HERC6: variants seen among roughly 807,000 people sequenced by gnomAD.
HERC6 encodes the protein HECT and RLD domain containing E3 ubiquitin protein ligase family member 6, also known as probable E3 ubiquitin-protein ligase HERC6.
Under a neutral mutation model 114.5 loss-of-function variants are expected in HERC6, and 101 were observed. The ratio of observed to expected loss-of-function variants is 0.88; its 90% CI spans 0.75 to 1.04. The LOEUF is 1.04. HERC6 is among the 50% of genes least tolerant of loss of function. The pLI is 0.00. For missense variants in HERC6, 1,133 were observed against 1,230.9 expected (o/e 0.92, Z 1.19); for synonymous variants, 408 against 436.2 (o/e 0.94, Z 0.81).
At chr4:88,415,722 A>G (rs965304895) in intron 12 of HERC6, among the ~76,000 whole-genome samples, 1 of 152,236 alleles carries the variant, frequency 6.6e-6, no homozygotes, top group Non-Finnish European at 1.5e-5. Context: ...TTTGTATATC[A>G]TATTCTGTGA....
At chr4:88,388,241 G>A (rs1734695086) in intron 3 of HERC6, among the ~76,000 whole-genome samples, 1 of 151,880 alleles carries the variant, frequency 6.6e-6, no homozygotes, top group Admixed American at 6.6e-5. Context: ...AGCCAACATG[G>A]TGAAACCCTG....
intron 12 of HERC6, among the ~76,000 whole-genome samples, chr4:88,415,408 A>G (rs943102832): frequency 3.3e-5 from 5 of 152,322 alleles, no homozygotes; most frequent in Admixed American, 6.5e-5. Flanking sequence ...TTTTATTTTG[A>G]GATATTTTGC....
chr4:88,401,386 G>A (rs1001980377), intron 8 of HERC6, among the ~76,000 whole-genome samples: 4 of 151,640 alleles, frequency 2.6e-5, no homozygotes, highest in Non-Finnish European at 4.4e-5. Context: ...CCAGCTACTC[G>A]GGAGGCTGAG....
At chr4:88,398,062 ATAAATTTTTGGC>A (rs1269534127) in intron 7 of HERC6, 68 bp from the exon 8 acceptor site, 12 of 831,446 alleles carry the variant, frequency 1.4e-5, no homozygotes, top group Admixed American at 3.2e-5. Context: ...CAGTAAGTAA[ATAAATTTTTGGC>A]TTGATAATAC....
intron 11 of HERC6, among the ~76,000 whole-genome samples, chr4:88,408,838 C>T (rs970392791): frequency 6.6e-6 from 1 of 152,074 alleles, no homozygotes; most frequent in Non-Finnish European, 1.5e-5. Flanking sequence ...AATTATTACT[C>T]AAATCAATCT....
chr4:88,430,557 G>C (rs1049104254), intron 16 of HERC6, among the ~76,000 whole-genome samples: 3 of 148,970 alleles, frequency 2.0e-5, no homozygotes, highest in African/African-American at 7.7e-5. Context: ...GCAGCAGAGT[G>C]AGACTCCATC....
In HERC6 at chr4:88,436,943, T is replaced by C. The variant is rs368085155; in HGVS notation, c.2456T>C (p.Ile819Thr). 115 of 1,608,082 alleles carry C rather than the reference T, an allele frequency of 7.2e-5. No individual in the cohort carries two copies. The highest frequency in any genetic ancestry group is 4.4e-4 in the African/African-American group (33 of 74,944). ...GTTCTAGATGATGCTGCTGATGACA[T>C]TGGAGATGCGCTCTGCATACGCTTT... Reference protein sequence around the residue: ...QEVLDDAADDIGDALCIRFSI... With the variant: ...QEVLDDAADDTGDALCIRFSI... Residue 819 changes from isoleucine to threonine, a missense_variant, in exon 19 of 23, where the codon ATT becomes ACT. Physicochemically the swap from Ile to Thr is moderately conservative, Grantham distance 89. Around this residue, in one of 3 missense-constraint regions of HERC6, gnomAD observed 388 missense variants for 445.9 expected, o/e 0.87. Transcript: ENST00000264346.
chr4:88,394,030 A>G (rs772085383), intron 5 of HERC6, among the ~76,000 whole-genome samples: 23 of 152,322 alleles, frequency 1.5e-4, no homozygotes, highest in Non-Finnish European at 3.1e-4. Context: ...TTCAGACTGT[A>G]GCATAAGATA....
chr4:88,409,740 C>T (rs1735993385), intron 11 of HERC6, among the ~76,000 whole-genome samples: 1 of 152,134 alleles, frequency 6.6e-6, no homozygotes, highest in Non-Finnish European at 1.5e-5. Context: ...TTTTCTTTAC[C>T]TGTTGAATTC....
intron 21 of HERC6, 36 bp downstream of exon 21, chr4:88,440,093 C>A (rs1399202353): frequency 6.2e-7 from 1 of 1,603,008 alleles, no homozygotes; most frequent in East Asian, 2.2e-5. Context: ...TTTTTCCGAA[C>A]AACTTCTATA....
chr4:88,393,208 G>A (rs1241696679), intron 4 of HERC6, among the ~76,000 whole-genome samples: 1 of 151,868 alleles, frequency 6.6e-6, no homozygotes, highest in Non-Finnish European at 1.5e-5. Context: ...TCCCAAGGTA[G>A]GGTTTTTCCT....
chr4:88,385,467 G>A, intron 2 of HERC6, 32 bp from the exon 3 acceptor site: 1 of 1,051,504 alleles, frequency 9.5e-7, no homozygotes, highest in Non-Finnish European at 1.4e-6. Context: ...TCTAAATAAG[G>A]ATTAATCAAT....
intron 13 of HERC6, among the ~76,000 whole-genome samples, chr4:88,420,861 TACA>T (rs1207080332): frequency 6.6e-6 from 1 of 152,158 alleles, no homozygotes; most frequent in East Asian, 1.9e-4. Context: ...AAATCAACTT[TACA>T]ACATTTTTAT....
rs1739492446 is a variant in HERC6, at chr4:88,443,091, C to A, written c.*631C>A. The A allele has an allele frequency of 6.5e-6, 1 of 153,884 alleles. No individual in the cohort carries two copies. Among genetic ancestry groups the A allele is most frequent in the Non-Finnish European group, 1.4e-5 (1 of 69,120 alleles). The allele number at this position is 153,884 out of a possible 1,614,324, so 9.5% of individuals were successfully genotyped here. A position where few individuals can be genotyped will look rare whatever the true frequency, so the allele number is the denominator to read the frequency against. ...GTGCTCCAATAAATCCACTCCTTCA[C>A]CACCCATTCATGCATGTCGCTCAAT... On this transcript the variant is annotated 3_prime_UTR_variant, in exon 23 of 23. Coordinates refer to ENST00000264346, the MANE Select transcript of HERC6 (RefSeq NM_017912.4).
chr4:88,397,499 A>T (rs1361695800), intron 7 of HERC6, among the ~76,000 whole-genome samples: 3 of 151,826 alleles, frequency 2.0e-5, no homozygotes, highest in Non-Finnish European at 4.4e-5. Context: ...TAAGTTCAAG[A>T]CCAGCCTGGC....
chr4:88,413,641 A>C (rs1378833990), intron 12 of HERC6, among the ~76,000 whole-genome samples: 1 of 152,180 alleles, frequency 6.6e-6, no homozygotes, highest in South Asian at 2.1e-4. Flanking sequence ...GATGATGAAA[A>C]ACAAATGTTA....
At chr4:88,416,010 G>A (rs1286991888) in intron 12 of HERC6, among the ~76,000 whole-genome samples, 1 of 152,220 alleles carries the variant, frequency 6.6e-6, no homozygotes, top group African/African-American at 2.4e-5. Flanking sequence ...CTGCATTCCT[G>A]CACTGAGTCA....
chr4:88,385,330 G>C (rs1734518521), intron 2 of HERC6, among the ~76,000 whole-genome samples, 169 bp from the exon 3 acceptor site: 1 of 152,114 alleles, frequency 6.6e-6, no homozygotes, highest in Non-Finnish European at 1.5e-5. Context: ...TTAATGTCAT[G>C]TTAAAAACAG....
intron 15 of HERC6, 77 bp downstream of exon 15, chr4:88,424,779 C>A: frequency 1.3e-6 from 1 of 788,364 alleles, no homozygotes; most frequent in Non-Finnish European, 2.0e-6. Context: ...TGAATCCCAT[C>A]ACCAAGATTC....
Sources: allele counts gnomAD v4.1 joint callset (sites outside exome capture counted in the v4.1 genomes callset), GRCh38; gene constraint gnomAD v4.1.1; regional missense constraint gnomAD v4.1.1; transcripts MANE v1.5; gene names NCBI Gene and HGNC (gene_info 2026-07-23, HGNC 2026-07-21).